OSBP2: variants seen among roughly 807,000 people sequenced by gnomAD.
OSBP2 encodes oxysterol-binding protein 2.
A neutral mutation model predicts 96.0 loss-of-function variants in OSBP2; 66 were observed. The observed-to-expected ratio is 0.69, with a 90% CI of 0.56 to 0.84. The LOEUF is 0.84. OSBP2 is among the 40% of genes least tolerant of loss of function. The probability of loss-of-function intolerance (pLI) is 0.00; values close to 1 mark genes in which losing one functional copy is unlikely to be tolerated. For missense variants in OSBP2, 1,038 were observed against 1,222.7 expected (o/e 0.85, Z 2.25); for synonymous variants, 525 against 520.9 (o/e 1.01, Z -0.11).
rs531776850 is a variant in OSBP2 at position 30,760,028 on chromosome 22, A to AT, written c.853+18670dup. ...AGGCATGTGCCACCACGCCCAGCTA[A>AT]TTTTTTTTTTTGTATTTTTAGTAGA... is the stretch of plus-strand genomic sequence containing the variant. On this transcript the variant is annotated intron_variant, in intron 2 of 13. Transcript: ENST00000332585. Among the ~76,000 whole-genome samples the AT allele has an allele frequency of 4.7e-3, 685 of 146,646 alleles. 3 individuals carry two copies. The highest frequency in any genetic ancestry group is 0.017 in the Middle Eastern group (5 of 290).
rs367750114 is a variant in OSBP2, at chr22:30,889,648, G to A, written c.1623+12G>A. On this transcript the variant is annotated intron_variant, in intron 7 of 13. Transcript: ENST00000332585. ...GGATCCCCATGCCGGTGGGTGGCTC[G>A]GGCAGGGCAGCCCCGACAGGTCCTC... is the stretch of plus-strand genomic sequence containing the variant. 56 of 1,613,430 alleles carry A rather than the reference G, an allele frequency of 3.5e-5. No homozygotes were observed. Among genetic ancestry groups the A allele is most frequent in the African/African-American group, 1.3e-4 (10 of 74,900 alleles).
chr22:30,868,676 C>G (rs2039397034), intron 2 of OSBP2, among the ~76,000 whole-genome samples: 1 of 152,190 alleles, frequency 6.6e-6, no homozygotes, highest in Non-Finnish European at 1.5e-5. Flanking sequence ...ATGGGAGGCT[C>G]CCTGCCTCCT....
intron 2 of OSBP2, among the ~76,000 whole-genome samples, chr22:30,796,447 T>C (rs917061400): frequency 1.1e-4 from 17 of 152,328 alleles, no homozygotes; most frequent in African/African-American, 3.6e-4. Flanking sequence ...TTATCTTCTA[T>C]TCTTTGTTAA....
At chr22:30,767,605 G>A (rs1284749894) in intron 2 of OSBP2, among the ~76,000 whole-genome samples, 1 of 151,634 alleles carries the variant, frequency 6.6e-6, no homozygotes, top group Admixed American at 6.6e-5. Flanking sequence ...ATTAACAGTG[G>A]GTTGGAATGA....
chr22:30,842,250 A>G (rs1458368803), intron 2 of OSBP2, among the ~76,000 whole-genome samples: 3 of 152,218 alleles, frequency 2.0e-5, no homozygotes, highest in Admixed American at 6.5e-5. Flanking sequence ...TGAACAATGC[A>G]ATGAACCATC....
intron 1 of OSBP2, among the ~76,000 whole-genome samples, chr22:30,739,210 C>T (rs1199448454): frequency 6.6e-6 from 1 of 152,174 alleles, no homozygotes; most frequent in Non-Finnish European, 1.5e-5. Context: ...TATTTTGATA[C>T]CATTAGCTCC....
chr22:30,862,545 T>C (rs2039233810), intron 2 of OSBP2, among the ~76,000 whole-genome samples: 1 of 152,040 alleles, frequency 6.6e-6, no homozygotes, highest in African/African-American at 2.4e-5. Context: ...CTGGGCCTGG[T>C]GGCACATGCC....
chr22:30,864,329 G>A (rs1045070269), intron 2 of OSBP2, among the ~76,000 whole-genome samples: 2 of 152,170 alleles, frequency 1.3e-5, no homozygotes, highest in Admixed American at 6.5e-5. Context: ...GTGCTGGGGA[G>A]CCCAAAGGAG....
chr22:30,798,887 G>A (rs1029236649), intron 2 of OSBP2, among the ~76,000 whole-genome samples: 4 of 151,860 alleles, frequency 2.6e-5, no homozygotes, highest in South Asian at 2.1e-4. Context: ...GGTGGCACAC[G>A]TCTGTAGTCC....
At chr22:30,718,132 C>T (rs1433627060) in intron 1 of OSBP2, among the ~76,000 whole-genome samples, 1 of 152,168 alleles carries the variant, frequency 6.6e-6, no homozygotes, top group Non-Finnish European at 1.5e-5. Flanking sequence ...TGAGCCTGCA[C>T]ACCCTCACTC....
At chr22:30,856,447 C>T (rs2039081712) in intron 2 of OSBP2, among the ~76,000 whole-genome samples, 1 of 137,168 alleles carries the variant, frequency 7.3e-6, no homozygotes, top group Admixed American at 8.5e-5. Context: ...AGTGCAGTGG[C>T]ATGATGTCAG....
intron 2 of OSBP2, among the ~76,000 whole-genome samples, chr22:30,789,861 C>G (rs141128178): frequency 2.6e-5 from 4 of 152,096 alleles, no homozygotes; most frequent in Admixed American, 2.6e-4. Flanking sequence ...TTTGCATCTT[C>G]CACCAGTAAA....
intron 1 of OSBP2, among the ~76,000 whole-genome samples, chr22:30,700,115 A>G (rs2089132743): frequency 6.6e-6 from 1 of 151,866 alleles, no homozygotes; most frequent in Non-Finnish European, 1.5e-5. Context: ...GAGGCATGCC[A>G]CCACACCCAG....
At chr22:30,714,711 G>T (rs2089418854) in intron 1 of OSBP2, among the ~76,000 whole-genome samples, 1 of 152,070 alleles carries the variant, frequency 6.6e-6, no homozygotes, top group African/African-American at 2.4e-5. Flanking sequence ...CTGCCTCCCG[G>T]GTTCAAGCGA....
At chr22:30,808,949 G>A (rs149338143) in intron 2 of OSBP2, among the ~76,000 whole-genome samples, 2,745 of 151,938 alleles carry the variant, frequency 0.018, 77 homozygotes, top group African/African-American at 0.06. Context: ...GCGAGACTCC[G>A]TCTCAAAAAA....
chr22:30,902,827 C>A, intron 12 of OSBP2: 1 of 353,326 alleles, frequency 2.8e-6, no homozygotes, highest in East Asian at 7.4e-5. Context: ...GGAGCAGGAC[C>A]ACAGCCTGGT....
At position 30,741,233 on chromosome 22, in the gene OSBP2, C is replaced by T. The variant is rs755799224; in HGVS notation, c.717C>T (p.Asp239=). 11 of 1,614,156 alleles carry T rather than the reference C, an allele frequency of 6.8e-6. No individual in the cohort carries two copies. The Admixed American group carries it at 1.8e-4, about 27-fold the overall frequency. ...NLSTAHIDTE[D]SCGILLTSGA... ...CCACCGCGCACATTGACACGGAGGA[C>T]TCTTGTGGTATCTTGCTGACCAGTG... The change falls in exon 2 of 14, where the codon GAC becomes GAT. Residue 239 remains aspartate, a synonymous_variant. Transcript: ENST00000332585.
chr22:30,892,589 G>T (rs1203973323), intron 8 of OSBP2, among the ~76,000 whole-genome samples: 3 of 152,132 alleles, frequency 2.0e-5, no homozygotes, highest in African/African-American at 7.2e-5. Flanking sequence ...AGGCTTGGTG[G>T]AACTGCCAGC....
At chr22:30,868,548 G>C (rs1313442351) in intron 2 of OSBP2, among the ~76,000 whole-genome samples, 1 of 152,264 alleles carries the variant, frequency 6.6e-6, no homozygotes, top group Non-Finnish European at 1.5e-5. Context: ...GAGAGGTGAA[G>C]CCATGCTCAG....
Sources: allele counts gnomAD v4.1 joint callset (sites outside exome capture counted in the v4.1 genomes callset), GRCh38; gene constraint gnomAD v4.1.1; transcripts MANE v1.5; gene names NCBI Gene and HGNC (gene_info 2026-07-23, HGNC 2026-07-21).